GLP2R: variants seen among roughly 807,000 people sequenced by gnomAD.
GLP2R encodes glucagon-like peptide 2 receptor.
Under a neutral mutation model 68.2 loss-of-function variants are expected in GLP2R, and 59 were observed. The ratio of observed to expected loss-of-function variants is 0.87; its 90% CI spans 0.70 to 1.07. GLP2R has a LOEUF of 1.07. GLP2R is among the 50% of genes least tolerant of loss of function. The pLI, the probability that GLP2R is intolerant of heterozygous loss-of-function variation, is 0.00. For missense variants in GLP2R, 548 were observed against 677.4 expected (o/e 0.81, Z 2.12); for synonymous variants, 270 against 265.4 (o/e 1.02, Z -0.17).
chr17:9,883,154 A>G (rs2067212373), intron 11 of GLP2R, among the ~76,000 whole-genome samples: 2 of 152,216 alleles, frequency 1.3e-5, no homozygotes, highest in African/African-American at 4.8e-5. Context: ...TCTCAATTCA[A>G]TAGAGAACAA....
intron 3 of GLP2R, among the ~76,000 whole-genome samples, chr17:9,842,071 A>T (rs1255709015): frequency 6.7e-6 from 1 of 148,676 alleles, no homozygotes; most frequent in East Asian, 2.0e-4. Context: ...GGACACACTC[A>T]TGCATGGATG....
chr17:9,836,036 C>A (rs1170325090), intron 2 of GLP2R, among the ~76,000 whole-genome samples: 1 of 76,430 alleles, frequency 1.3e-5, no homozygotes, highest in East Asian at 6.2e-4. Flanking sequence ...GAGACTCCAT[C>A]TCCAAAAAAA....
chr17:9,885,442 G>A (rs2067235451), intron 11 of GLP2R, among the ~76,000 whole-genome samples: 1 of 151,904 alleles, frequency 6.6e-6, no homozygotes, highest in Non-Finnish European at 1.5e-5. Flanking sequence ...TTTCGGCTGG[G>A]GCTGCAAACG....
At position 9,826,213 on chromosome 17, in the gene GLP2R, G is replaced by A. The variant is rs1790498189; in HGVS notation, c.150G>A (p.Arg50=). 1.9e-6 allele frequency: 3 copies of A among 1,612,066 alleles called. No individual in the cohort carries two copies. The highest frequency in any genetic ancestry group is 2.5e-6 in the Non-Finnish European group (3 of 1,179,432). The change falls in exon 1 of 13, where the codon AGG becomes AGA. Residue 50 remains arginine, a synonymous_variant. Transcript: ENST00000262441. ...AGTGCTCTCTCTGGGCCCCTGGGAG[G>A]CCCTTCCTCACTCTGGTCCTGCTGG... ...HRKCSLWAPG[R]PFLTLVLLVS...
At chr17:9,831,830 G>A (rs886284304) in intron 1 of GLP2R, among the ~76,000 whole-genome samples, 4 of 152,140 alleles carry the variant, frequency 2.6e-5, no homozygotes, top group East Asian at 1.9e-4. Context: ...CAGGAGAGAC[G>A]TTAAGGAGGT....
At chr17:9,870,390 T>C (rs1323361470) in intron 9 of GLP2R, among the ~76,000 whole-genome samples, 10 of 152,140 alleles carry the variant, frequency 6.6e-5, no homozygotes, top group African/African-American at 1.9e-4. Context: ...ATAATAACAA[T>C]AATAGTAATA....
At chr17:9,851,929 C>A (rs1347439540) in intron 4 of GLP2R, among the ~76,000 whole-genome samples, 2 of 150,366 alleles carry the variant, frequency 1.3e-5, no homozygotes, top group South Asian at 2.1e-4. Context: ...ACCCATGAGT[C>A]AAGTAAAAAA....
At chr17:9,862,195 G>GAC in intron 9 of GLP2R, 105 bp downstream of exon 9, 1 of 804,218 alleles carries the variant, frequency 1.2e-6, no homozygotes, top group South Asian at 1.5e-5. Context: ...TCCCTTGAGA[G>GAC]AGAGAAGCTG....
At chr17:9,839,012 C>T (rs1405787196) in intron 3 of GLP2R, among the ~76,000 whole-genome samples, 4 of 152,198 alleles carry the variant, frequency 2.6e-5, no homozygotes, top group Non-Finnish European at 2.9e-5. Flanking sequence ...TAACTGACGA[C>T]TGAGGCTGGG....
intron 9 of GLP2R, among the ~76,000 whole-genome samples, chr17:9,865,097 C>G (rs2067022540): frequency 6.6e-6 from 1 of 152,124 alleles, no homozygotes; most frequent in Non-Finnish European, 1.5e-5. Flanking sequence ...TCAGACCTCT[C>G]CTTCTCCTAC....
At chr17:9,873,685 G>A (rs1309512916) in intron 10 of GLP2R, among the ~76,000 whole-genome samples, 4 of 150,016 alleles carry the variant, frequency 2.7e-5, no homozygotes, top group African/African-American at 9.9e-5. Context: ...TACCCCTGCT[G>A]CAGAGTCTCC....
In GLP2R at chr17:9,844,668, C is replaced by CTTTTTTTTTT. The variant is rs71139004; in HGVS notation, c.504+2081_504+2090dup. On this transcript the variant is annotated intron_variant, in intron 4 of 12. Coordinates refer to ENST00000262441, the MANE Select transcript of GLP2R (RefSeq NM_004246.3). ...ATTCTCAATATTTTACTACCTAATTCTTTTTTTTTTTTTTTTTTTTTTTTT... is the reference window on the plus strand; with the variant it reads ...ATTCTCAATATTTTACTACCTAATTCTTTTTTTTTTTTTTTTTTTTTTTTTTTTTTTTTTT... 2.4e-3 allele frequency among the ~76,000 whole-genome samples: 107 copies of CTTTTTTTTTT among 44,318 alleles called. 36 individuals are homozygous for CTTTTTTTTTT. Among genetic ancestry groups the CTTTTTTTTTT allele is most frequent in the Non-Finnish European group, 4.1e-3 (87 of 21,404 alleles). 29.1% of individuals were successfully genotyped at this position (44,318 alleles called of 152,430 possible).
In GLP2R at chr17:9,842,492, C is replaced by T; in HGVS notation, c.383-3C>T. 1.2e-6 allele frequency: 2 copies of T among 1,614,058 alleles called. No homozygotes were observed. The highest frequency in any genetic ancestry group is 1.7e-6 in the Non-Finnish European group (2 of 1,179,978). On this transcript the variant is annotated splice_region_variant and splice_polypyrimidine_tract_variant and intron_variant, in intron 3 of 12. Coordinates refer to ENST00000262441, the MANE Select transcript of GLP2R (RefSeq NM_004246.3). ...TTTCCTCCAGAGCTTTGTTTACTTT[C>T]AGAGAGCTCAGGAAGGGCCTACAGA... is the stretch of plus-strand genomic sequence containing the variant.
chr17:9,840,729 G>A (rs914333269), intron 3 of GLP2R, among the ~76,000 whole-genome samples: 7 of 152,200 alleles, frequency 4.6e-5, no homozygotes, highest in African/African-American at 9.6e-5. Context: ...GGAAGTCTTC[G>A]ATGGCAAGGT....
intron 3 of GLP2R, among the ~76,000 whole-genome samples, chr17:9,841,018 ATTTT>A (rs10624268): frequency 7.2e-6 from 1 of 138,966 alleles, no homozygotes; most frequent in Non-Finnish European, 1.5e-5. Context: ...GGTGTGGCTA[ATTTT>A]TTTTTTTTTT....
chr17:9,841,141 C>T lies in GLP2R; in HGVS notation c.383-1354C>T, dbSNP rs568941732. Among the ~76,000 whole-genome samples, 5 of 151,886 alleles carry T rather than the reference C, an allele frequency of 3.3e-5. No individual in the cohort carries two copies. The East Asian group carries it at 9.7e-4, about 29-fold the overall frequency. ...AAGCAATTCTCCTGCCTCAGCCTCC[C>T]TAGTAGCTGGGACTACAGGAGCTCG... On this transcript the variant is annotated intron_variant, in intron 3 of 12. Transcript: ENST00000262441.
rs772110682 is a variant in GLP2R at position 9,870,821 on chromosome 17, A to G, written c.1131A>G (p.Arg377=). 4 of 1,527,600 alleles carry G rather than the reference A, an allele frequency of 2.6e-6. No individual in the cohort carries two copies. Among genetic ancestry groups the G allele is most frequent in the Non-Finnish European group, 3.6e-6 (4 of 1,100,734 alleles). The allele number at this position is 1,527,600 out of a possible 1,614,324, so 94.6% of individuals were successfully genotyped here. A position where few individuals can be genotyped will look rare whatever the true frequency, so the allele number is the denominator to read the frequency against. The change falls in exon 10 of 13, where the codon AGA becomes AGG. Residue 377 remains arginine (R), a synonymous_variant. Coordinates refer to ENST00000262441, the MANE Select transcript of GLP2R (RefSeq NM_004246.3). ...TCAAAGCTCATCAAATGTGCTTCAGAGATTATAAATACAGGTGAGTGGCTT... is the reference window on the plus strand; with the variant it reads ...TCAAAGCTCATCAAATGTGCTTCAGGGATTATAAATACAGGTGAGTGGCTT... ...SKLKAHQMCF[R]DYKYRLAKST...
chr17:9,863,010 G>A (rs2067000865), intron 9 of GLP2R, among the ~76,000 whole-genome samples: 2 of 152,190 alleles, frequency 1.3e-5, no homozygotes, highest in South Asian at 4.1e-4. Flanking sequence ...GGGAAAAATG[G>A]TCCTAGAAGT....
chr17:9,865,825 T>C (rs1408278342), intron 9 of GLP2R: 1 of 471,206 alleles, frequency 2.1e-6, no homozygotes, highest in South Asian at 1.5e-5. Context: ...TTGTTGTCTG[T>C]GTCTACAGGC....
Sources: allele counts gnomAD v4.1 joint callset (sites outside exome capture counted in the v4.1 genomes callset), GRCh38; gene constraint gnomAD v4.1.1; transcripts MANE v1.5; gene names NCBI Gene and HGNC (gene_info 2026-07-23, HGNC 2026-07-21).